CADPS: variants seen among roughly 807,000 people sequenced by gnomAD.
The protein encoded by CADPS is calcium dependent secretion activator, also known as calcium-dependent secretion activator 1.
Under a neutral mutation model 167.3 loss-of-function variants are expected in CADPS, and 57 were observed. The observed-to-expected ratio is 0.34, with a 90% CI of 0.28 to 0.42. The LOEUF is 0.42. Among genes scored for constraint, CADPS ranks in the 20% least tolerant of loss-of-function variants. The pLI is 1.00. For missense variants in CADPS, 1,414 were observed against 1,738.1 expected (o/e 0.81, Z 3.32); for synonymous variants, 676 against 635.3 (o/e 1.06, Z -0.96).
intron 26 of CADPS, among the ~76,000 whole-genome samples, chr3:62,460,427 A>T (rs1576359736): frequency 6.6e-6 from 1 of 152,214 alleles, no homozygotes; most frequent in South Asian, 2.1e-4. Context: ...TGCATCACTC[A>T]TCATCAACCC....
chr3:62,852,333 A>G (rs1169543303), intron 1 of CADPS, among the ~76,000 whole-genome samples: 2 of 152,172 alleles, frequency 1.3e-5, no homozygotes, highest in Admixed American at 1.3e-4. Context: ...TGCGTTCCTC[A>G]GATGGAAATG....
intron 28 of CADPS, among the ~76,000 whole-genome samples, chr3:62,425,597 G>A (rs1482388977): frequency 1.3e-5 from 2 of 152,150 alleles, no homozygotes; most frequent in Non-Finnish European, 2.9e-5. Flanking sequence ...AACATTAAAA[G>A]ACAAAATTAC....
At chr3:62,721,077 A>C (rs2075700771) in intron 3 of CADPS, among the ~76,000 whole-genome samples, 1 of 149,796 alleles carries the variant, frequency 6.7e-6, no homozygotes, top group Non-Finnish European at 1.5e-5. Context: ...TTGGCCTCCC[A>C]AAGTGCTGAA....
chr3:62,601,656 C>T lies in CADPS; in HGVS notation c.1326-8908G>A, dbSNP rs940705909. Reference sequence around the variant, plus strand: ...TCATAGCATTTCAGACACGTGGTGCCCAAATGCTGCTTCCTGATCCACTTG... The same window carrying T: ...TCATAGCATTTCAGACACGTGGTGCTCAAATGCTGCTTCCTGATCCACTTG... On this transcript the variant is annotated intron_variant, in intron 6 of 29. Transcript: ENST00000383710. This position sits in a 1 kb window ranked among gnomAD's most constrained non-coding sequence, Gnocchi z 4.3. Among the ~76,000 whole-genome samples the T allele has an allele frequency of 1.1e-4, 16 of 152,108 alleles. No homozygotes were observed. Among genetic ancestry groups the T allele is most frequent in the African/African-American group, 3.1e-4 (13 of 41,402 alleles).
At chr3:62,599,712 A>T (rs796224851) in intron 6 of CADPS, among the ~76,000 whole-genome samples, 2 of 37,660 alleles carry the variant, frequency 5.3e-5, no homozygotes, top group South Asian at 9.2e-4. Context: ...ATATTATATA[A>T]TATATAATAT....
chr3:62,874,670 C>T lies in CADPS; in HGVS notation c.360G>A (p.Gln120=), dbSNP rs1577760778. Residue 120 remains glutamine, a synonymous_variant, in exon 1 of 30, where the codon CAG becomes CAA. Transcript: ENST00000383710. This position sits in a 1 kb window ranked among gnomAD's most constrained non-coding sequence, Gnocchi z 7.1. ...TGCAGCGCATCACGAACACATACAG[C>T]TGCAGCCTCTTCTTCCTCTCCTCCT... ...KEEEERKKRL[Q]LYVFVMRCIA... 6.4e-7 allele frequency: 1 copy of T among 1,556,478 alleles called. No individual in the cohort carries two copies. Among genetic ancestry groups the T allele is most frequent in the Non-Finnish European group, 8.7e-7 (1 of 1,149,510 alleles).
At chr3:62,618,097 A>T (rs937698626) in intron 6 of CADPS, among the ~76,000 whole-genome samples, 1 of 152,170 alleles carries the variant, frequency 6.6e-6, no homozygotes, top group Non-Finnish European at 1.5e-5. Context: ...AGTCAGCCAC[A>T]AAATTTAGGC....
chr3:62,484,140 C>T (rs2062448482), intron 21 of CADPS, among the ~76,000 whole-genome samples: 1 of 152,006 alleles, frequency 6.6e-6, no homozygotes, highest in Non-Finnish European at 1.5e-5. Context: ...CTCATAGAAA[C>T]ATTTCCTTCT....
At chr3:62,456,895 G>A (rs1233999172) in intron 26 of CADPS, among the ~76,000 whole-genome samples, 1 of 152,156 alleles carries the variant, frequency 6.6e-6, no homozygotes, top group Non-Finnish European at 1.5e-5. Context: ...TTCGAACATA[G>A]GAAGAGAAAT....
At chr3:62,448,155 G>A (rs1253722925) in intron 26 of CADPS, among the ~76,000 whole-genome samples, 2 of 152,138 alleles carry the variant, frequency 1.3e-5, no homozygotes, top group Non-Finnish European at 2.9e-5. Flanking sequence ...CCTCAATATT[G>A]GTAGAAAAGT....
At chr3:62,732,760 G>C (rs2078172747) in intron 3 of CADPS, among the ~76,000 whole-genome samples, 1 of 152,182 alleles carries the variant, frequency 6.6e-6, no homozygotes, top group Non-Finnish European at 1.5e-5. Context: ...CAGGACATGT[G>C]TACTCTGTAC....
chr3:62,656,946 T>C (rs1482026227), intron 4 of CADPS, among the ~76,000 whole-genome samples: 2 of 152,138 alleles, frequency 1.3e-5, no homozygotes, highest in Non-Finnish European at 2.9e-5. Flanking sequence ...TTTTTAGCTA[T>C]TGACAAAGGC....
At chr3:62,442,189 G>C (rs1193800734) in intron 27 of CADPS, among the ~76,000 whole-genome samples, 1 of 149,642 alleles carries the variant, frequency 6.7e-6, no homozygotes, top group Non-Finnish European at 1.5e-5. Context: ...ATAGGTAATA[G>C]TTAGTGGTAT....
intron 9 of CADPS, among the ~76,000 whole-genome samples, chr3:62,558,606 G>A (rs1015434663): frequency 2.6e-5 from 4 of 152,154 alleles, no homozygotes; most frequent in Non-Finnish European, 4.4e-5. Flanking sequence ...ATTTGTTTTT[G>A]TTGTTTTAAT....
intron 28 of CADPS, among the ~76,000 whole-genome samples, chr3:62,406,168 G>A (rs1708418544): frequency 6.6e-6 from 1 of 152,178 alleles, no homozygotes; most frequent in African/African-American, 2.4e-5. Flanking sequence ...TCCCGAATCC[G>A]CGTTCAGGGA....
At chr3:62,705,955 T>C (rs575551932) in intron 3 of CADPS, among the ~76,000 whole-genome samples, 1 of 152,264 alleles carries the variant, frequency 6.6e-6, no homozygotes, top group Admixed American at 6.5e-5. Flanking sequence ...AAAGCTATTC[T>C]GCTGCACTTA....
intron 28 of CADPS, chr3:62,404,646 C>T (rs1249455829): frequency 6.6e-6 from 1 of 152,132 alleles, no homozygotes; most frequent in Non-Finnish European, 1.5e-5. Context: ...ACAGAGACCA[C>T]ACTACCCCAA....
intron 1 of CADPS, among the ~76,000 whole-genome samples, chr3:62,835,810 C>T (rs2075809669): frequency 1.3e-5 from 2 of 152,156 alleles, no homozygotes; most frequent in Admixed American, 1.3e-4. Flanking sequence ...TGACAATGCC[C>T]AGCAGAATTG....
chr3:62,537,449 T>C (rs1323719945), intron 11 of CADPS, among the ~76,000 whole-genome samples: 1 of 152,176 alleles, frequency 6.6e-6, no homozygotes, highest in Non-Finnish European at 1.5e-5. Flanking sequence ...CTCGTGTGTG[T>C]CCAGGCAAAT....
Sources: gnomAD v4.1 joint callset for allele counts (sites outside exome capture counted in the v4.1 genomes callset) on GRCh38, gnomAD v4.1.1 for gene constraint, Gnocchi (gnomAD v3.1) non-coding constraint, MANE v1.5 for transcripts, NCBI Gene and HGNC (gene_info 2026-07-23, HGNC 2026-07-21) for gene names.